The following CCDC180 variants were observed in gnomAD, a reference collection of about 807,000 sequenced individuals.
CCDC180 encodes coiled-coil domain containing 180.
CCDC180 carries 154 observed loss-of-function variants against 209.2 expected under a neutral mutation model. The ratio of observed to expected loss-of-function variants is 0.74; its 90% CI spans 0.65 to 0.84. The LOEUF is 0.84. Ranked by LOEUF, CCDC180 falls within the 40% of genes least tolerant of loss-of-function variation. CCDC180 has a pLI of 0.00. For missense variants in CCDC180, 1,874 were observed against 1,997.3 expected, an observed-to-expected ratio of 0.94 and a Z score of 1.18; for synonymous variants, 778 against 749.1, an observed-to-expected ratio of 1.04 and a Z score of -0.63.
At chr9:97,345,239 A>T (rs1475587982) in intron 19 of CCDC180, among the ~76,000 whole-genome samples, 1 of 152,152 alleles carries the variant, frequency 6.6e-6, no homozygotes, top group Non-Finnish European at 1.5e-5. Context: ...TGACTCACAG[A>T]GTGTGTGTGT....
Position 97,330,374 on chromosome 9 carries a change from A to C in CCDC180, c.1881A>C (p.Gln627His), listed in dbSNP as rs143100889. 1.0e-4 allele frequency: 163 copies of C among 1,614,174 alleles called. 1 individual carries two copies. The African/African-American group carries it at 2.0e-3, about 20-fold the overall frequency. Residue 627 changes from glutamine (Q) to histidine (H), a missense_variant, in exon 18 of 37, where the codon CAA becomes CAC. Coordinates refer to ENST00000529487, the MANE Select transcript of CCDC180 (RefSeq NM_020893.6). ...QKRVKKLRKK[Q>H]GSKEDMTRSE... ...GAGTGAAAAAACTGAGGAAGAAGCAAGGGTCTAAAGAGGACATGACCAGAA... is the reference window on the plus strand; with the variant it reads ...GAGTGAAAAAACTGAGGAAGAAGCACGGGTCTAAAGAGGACATGACCAGAA...
intron 18 of CCDC180, among the ~76,000 whole-genome samples, chr9:97,334,497 A>G (rs1418603492): frequency 6.6e-6 from 1 of 152,220 alleles, no homozygotes; most frequent in Non-Finnish European, 1.5e-5. Context: ...TCCAGGATCC[A>G]TGTTCTTCTT....
Position 97,362,946 on chromosome 9 carries a change from G to A in CCDC180, c.3902+505G>A, listed in dbSNP as rs138336856. Among the ~76,000 whole-genome samples, 125 of 152,310 alleles carry A rather than the reference G, an allele frequency of 8.2e-4. No homozygotes were observed. In the East Asian group the frequency reaches 0.012, roughly 15 times the overall value. ...CTCCAGAAGGTCTTTTTGAGCATGC[G>A]TGCTGTGTGCAATGGGGAAAGAAAC... is the stretch of plus-strand genomic sequence containing the variant. On this transcript the variant is annotated intron_variant, in intron 28 of 36. Coordinates refer to ENST00000529487, the MANE Select transcript of CCDC180 (RefSeq NM_020893.6).
In CCDC180 at chr9:97,325,206, C is replaced by G; in HGVS notation, c.1545+14C>G. ...CTGGAGAGCCAGGTGAGACCCACACCCGGGGCTCCATGTTTCACACCACAA... is the reference window on the plus strand; with the variant it reads ...CTGGAGAGCCAGGTGAGACCCACACGCGGGGCTCCATGTTTCACACCACAA... On this transcript the variant is annotated intron_variant, in intron 14 of 36. Coordinates refer to ENST00000529487, the MANE Select transcript of CCDC180 (RefSeq NM_020893.6). 6.3e-7 allele frequency: 1 copy of G among 1,575,188 alleles called. No individual in the cohort carries two copies. Among genetic ancestry groups the G allele is most frequent in the Non-Finnish European group, 8.6e-7 (1 of 1,159,540 alleles).
At chr9:97,344,689 C>T (rs1826196512) in intron 19 of CCDC180, among the ~76,000 whole-genome samples, 2 of 152,172 alleles carry the variant, frequency 1.3e-5, no homozygotes, top group South Asian at 2.1e-4. Flanking sequence ...AACCACTATG[C>T]TATCTGCCTT....
chr9:97,347,148 G>A (rs1407611098), intron 19 of CCDC180, among the ~76,000 whole-genome samples, 166 bp from the exon 20 acceptor site: 24 of 152,182 alleles, frequency 1.6e-4, no homozygotes, highest in Admixed American at 1.6e-3. Context: ...TCCAGCAGTG[G>A]TATGGTTAAA....
In CCDC180 at chr9:97,308,129, T is replaced by A; in HGVS notation, c.66T>A (p.Ala22=). ...NGKAYQQIFQ[A]EVQLVHSLAA... ...AAGCCTACCAGCAGATCTTCCAGGC[T>A]GAGGTAGGAGCCGCCCTCTGTCCCG... The change falls in exon 2 of 37, where the codon GCT becomes GCA. Residue 22 remains alanine, a synonymous_variant. Transcript: ENST00000529487. The A allele has an allele frequency of 6.2e-7, 1 of 1,600,944 alleles. No individual in the cohort carries two copies.
intron 18 of CCDC180, among the ~76,000 whole-genome samples, chr9:97,333,016 T>C (rs1299974499): frequency 6.6e-6 from 1 of 152,204 alleles, no homozygotes; most frequent in Non-Finnish European, 1.5e-5. Flanking sequence ...TATAGATGGC[T>C]CTTACTATTT....
Position 97,318,164 on chromosome 9 carries a change from G to C in CCDC180, c.960-299G>C, listed in dbSNP as rs546226967. On this transcript the variant is annotated intron_variant, in intron 9 of 36. Coordinates refer to ENST00000529487, the MANE Select transcript of CCDC180 (RefSeq NM_020893.6). ...TTACAGAGCAGGCAGGCGGTGGTCA[G>C]GACCCCATCAAATCTGAGCCTGCTG... Among the ~76,000 whole-genome samples, 132 of 152,268 alleles carry C rather than the reference G, an allele frequency of 8.7e-4. 4 individuals carry two copies. In the South Asian group the frequency reaches 0.026, roughly 30 times the overall value.
At position 97,378,449 on chromosome 9, in the gene CCDC180, T is replaced by TA. The variant is rs1476190194; in HGVS notation, c.*1556dup. On this transcript the variant is annotated 3_prime_UTR_variant, in exon 37 of 37. Coordinates refer to ENST00000529487, the MANE Select transcript of CCDC180 (RefSeq NM_020893.6). ...TCTAAACACACGGTCCTTGCACACA[T>TA]ACACAACTTGAGACCAACAGGTCAC... is the stretch of plus-strand genomic sequence containing the variant. The TA allele has an allele frequency of 6.6e-6, 1 of 152,240 alleles. No homozygotes were observed. The highest frequency in any genetic ancestry group is 2.4e-5 in the African/African-American group (1 of 41,468). 9.4% of individuals were successfully genotyped at this position (152,240 alleles called of 1,614,324 possible). A position where few individuals can be genotyped will look rare whatever the true frequency, so the allele number is the denominator to read the frequency against.
intron 15 of CCDC180, among the ~76,000 whole-genome samples, chr9:97,327,713 G>A (rs1375128257): frequency 6.6e-6 from 1 of 152,136 alleles, no homozygotes; most frequent in African/African-American, 2.4e-5. Context: ...GAGTTTGATG[G>A]AATAATGTAG....
chr9:97,320,434 CT>C (rs2118601273), intron 11 of CCDC180, among the ~76,000 whole-genome samples: 2 of 152,292 alleles, frequency 1.3e-5, no homozygotes, highest in African/African-American at 4.8e-5. Flanking sequence ...CCCCTGACCC[CT>C]GACCCAAGCA....
intron 33 of CCDC180, 41 bp downstream of exon 33, chr9:97,370,819 A>T: frequency 6.2e-7 from 1 of 1,603,876 alleles, no homozygotes; most frequent in Non-Finnish European, 8.5e-7. Flanking sequence ...GCATGCTCCA[A>T]ATATAGCCCG....
In CCDC180 at chr9:97,354,559, T is replaced by C. The variant is rs1826514645; in HGVS notation, c.3003-10T>C. 3 of 1,613,916 alleles carry C rather than the reference T, an allele frequency of 1.9e-6. No individual in the cohort carries two copies. In the African/African-American group the frequency reaches 4.0e-5, roughly 22 times the overall value. ...ATCTGTGGCTTTTATTTGTCTTTGATTATTTTCAGATTGTTTTCAGAGGGA... is the reference window on the plus strand; with the variant it reads ...ATCTGTGGCTTTTATTTGTCTTTGACTATTTTCAGATTGTTTTCAGAGGGA... On this transcript the variant is annotated splice_polypyrimidine_tract_variant and intron_variant, in intron 22 of 36. Transcript: ENST00000529487.
chr9:97,351,417 G>A (rs955892578), intron 22 of CCDC180, among the ~76,000 whole-genome samples: 9 of 152,180 alleles, frequency 5.9e-5, no homozygotes, highest in African/African-American at 1.7e-4. Flanking sequence ...GATTAATGCT[G>A]TTAACCTTTC....
intron 18 of CCDC180, among the ~76,000 whole-genome samples, chr9:97,339,885 C>T (rs1163312618): frequency 6.6e-6 from 1 of 152,126 alleles, no homozygotes; most frequent in Non-Finnish European, 1.5e-5. Flanking sequence ...CTAAACTTCT[C>T]TTCTTGCTTC....
chr9:97,370,674 G>T lies in CCDC180; in HGVS notation c.4384G>T (p.Gly1462Ter). ...TGCCCAGAAGCTCCATCTAAATCTT[G>T]GACACCCCGTACATTTCCAAGAAAT... ...KNAQKLHLNL[G>*]HPVHFQEMES... The change falls in exon 33 of 37, where the codon GGA becomes TGA. Residue 1462 changes from glycine to a stop codon, truncating the protein, a stop_gained. Coordinates refer to ENST00000529487, the MANE Select transcript of CCDC180 (RefSeq NM_020893.6). LOFTEE classifies it high-confidence loss of function. The T allele has an allele frequency of 1.2e-6, 2 of 1,613,978 alleles. No homozygotes were observed. Among genetic ancestry groups the T allele is most frequent in the Non-Finnish European group, 1.7e-6 (2 of 1,179,978 alleles).
rs146191835 is a variant in CCDC180, at chr9:97,362,402, A to G, written c.3863A>G (p.Lys1288Arg). The G allele has an allele frequency of 6.2e-7, 1 of 1,614,048 alleles. No individual in the cohort carries two copies. Among genetic ancestry groups the G allele is most frequent in the Non-Finnish European group, 8.5e-7 (1 of 1,180,038 alleles). The change falls in exon 28 of 37, where the codon AAG becomes AGG. Residue 1288 changes from lysine to arginine, a missense_variant. By Grantham distance (26) the Lys-to-Arg change is conservative. Transcript: ENST00000529487. ...CGGTGCCAGCCAGAAAACTCTGGGA[A>G]GAAGGCTGTACCCAGTGCCAGTGCT... ...RHRCQPENSG[K>R]KAVPSASATS...
At chr9:97,372,300 A>G (rs2045730) in intron 34 of CCDC180, 32,457 of 152,176 alleles carry the variant, frequency 0.21, 3,682 homozygotes, top group East Asian at 0.39. Flanking sequence ...AAGTTTTTAC[A>G]TTTGGTAACA....
Sources: gnomAD v4.1 joint callset for allele counts (sites outside exome capture counted in the v4.1 genomes callset) on GRCh38, gnomAD v4.1.1 for gene constraint, MANE v1.5 for transcripts, NCBI Gene and HGNC (gene_info 2026-07-23, HGNC 2026-07-21) for gene names.